Variants in INTS2 observed in about 807,000 individuals in gnomAD.
The protein encoded by INTS2 is integrator complex subunit 2.
INTS2 carries 57 observed loss-of-function variants against 139.6 expected under a neutral mutation model. The observed-to-expected ratio is 0.41, with a 90% CI of 0.33 to 0.51. The LOEUF (loss-of-function observed/expected upper bound fraction) is 0.51, where lower values mean the gene tolerates loss of function less well. Among genes scored for constraint, INTS2 ranks in the 20% least tolerant of loss-of-function variants. INTS2 has a pLI of 0.28. For synonymous variants in INTS2, 473 were observed against 493.4 expected, an observed-to-expected ratio of 0.96 and a Z score of 0.55; for missense variants, 1,196 against 1,436.7, an observed-to-expected ratio of 0.83 and a Z score of 2.71.
At position 61,872,180 on chromosome 17, in the gene INTS2, G is replaced by C. The variant is rs370424250; in HGVS notation, c.2778+85C>G. 41 of 736,810 alleles carry C rather than the reference G, an allele frequency of 5.6e-5. No homozygotes were observed. The highest frequency in any genetic ancestry group is 8.4e-5 in the Non-Finnish European group (38 of 454,164). 45.6% of individuals were successfully genotyped at this position (736,810 alleles called of 1,614,324 possible). ...AATATGTCACCAATGTACATGGAGC[G>C]CACAATGTGCCATCTATTGAACTGA... On this transcript the variant is annotated intron_variant, in intron 20 of 24. Transcript: ENST00000251334. The surrounding 1 kb of genome is among the most constrained non-coding windows in gnomAD (Gnocchi z 4.8).
At chr17:61,894,738 C>T (rs1245198285) in intron 12 of INTS2, among the ~76,000 whole-genome samples, 1 of 151,842 alleles carries the variant, frequency 6.6e-6, no homozygotes, top group Non-Finnish European at 1.5e-5. Context: ...ATCCTAGCTA[C>T]TTGGGAGGCT....
chr17:61,885,553 G>A (rs1290361103), intron 15 of INTS2, among the ~76,000 whole-genome samples: 2 of 151,234 alleles, frequency 1.3e-5, no homozygotes, highest in Non-Finnish European at 2.9e-5. Flanking sequence ...TAGATTGGCT[G>A]GGATAACAGG....
At chr17:61,878,931 CAAAAAAAAAAAAA>C (rs35652350) in intron 17 of INTS2, among the ~76,000 whole-genome samples, 6 of 46,656 alleles carry the variant, frequency 1.3e-4, no homozygotes, top group South Asian at 2.8e-3. Flanking sequence ...ACCCTGTCTC[CAAAAAAAAAAAAA>C]AAAAAAAAAA....
chr17:61,879,004 A>C (rs1003650885), intron 17 of INTS2, among the ~76,000 whole-genome samples: 1 of 132,032 alleles, frequency 7.6e-6, no homozygotes, highest in Non-Finnish European at 1.6e-5. Context: ...ATTCAGACTG[A>C]TCTTATTTTT....
rs149283427 is a variant in INTS2 at position 61,888,564 on chromosome 17, C to CGTGTGT, written c.1984+1216_1984+1221dup. On this transcript the variant is annotated intron_variant, in intron 15 of 24. Coordinates refer to ENST00000251334, the MANE Select transcript of INTS2 (RefSeq NM_001351695.2). ...TTCTCTGTGTGCGTGTGTGTGCGTG[C>CGTGTGT]GTGTGTGTGTGTGTGTGTGTGTGTG... is the stretch of plus-strand genomic sequence containing the variant. Among the ~76,000 whole-genome samples the CGTGTGT allele has an allele frequency of 4.6e-3, 552 of 119,662 alleles. 5 individuals carry two copies. The highest frequency in any genetic ancestry group is 7.8e-3 in the Non-Finnish European group (430 of 54,784). 78.5% of individuals were successfully genotyped at this position (119,662 alleles called of 152,430 possible). A position where few individuals can be genotyped will look rare whatever the true frequency, so the allele number is the denominator to read the frequency against.
chr17:61,896,311 C>T (rs1485201568), intron 11 of INTS2, among the ~76,000 whole-genome samples: 4 of 150,188 alleles, frequency 2.7e-5, no homozygotes, highest in Admixed American at 1.3e-4. Context: ...TTCCACATGG[C>T]GAAGTTAAAT....
At position 61,882,019 on chromosome 17, in the gene INTS2, T is replaced by G. The variant is rs891136582; in HGVS notation, c.2090-848A>C. On this transcript the variant is annotated intron_variant, in intron 16 of 24. Coordinates refer to ENST00000251334, the MANE Select transcript of INTS2 (RefSeq NM_001351695.2). This position sits in a 1 kb window ranked among gnomAD's most constrained non-coding sequence, Gnocchi z 4.7. ...AAAAGGTCCTATTCAGAAATACTGA[T>G]AGGCTTCTGTAGAGAACATGCCCTT... Among the ~76,000 whole-genome samples, 1 of 152,230 alleles carries G rather than the reference T, an allele frequency of 6.6e-6. No homozygotes were observed. The highest frequency in any genetic ancestry group is 1.5e-5 in the Non-Finnish European group (1 of 68,042).
At position 61,926,410 on chromosome 17, in the gene INTS2, A is replaced by G. The variant is rs766195784; in HGVS notation, c.235T>C (p.Leu79=). 58 of 1,613,400 alleles carry G rather than the reference A, an allele frequency of 3.6e-5. No individual in the cohort carries two copies. Among genetic ancestry groups the G allele is most frequent in the Non-Finnish European group, 4.8e-5 (57 of 1,179,380 alleles). Residue 79 remains leucine, a synonymous_variant, in exon 2 of 25, where the codon TTG becomes CTG. Transcript: ENST00000251334. The stretch of plus-strand genomic sequence containing the variant: ...AAAGCATGAAAGTCCACGGACAACA[A>G]TGCAACAATGGAGTTGACAGCTTCC... The part of the protein sequence containing the change: ...GVEAVNSIVA[L]LSVDFHALEQ...
At position 61,865,421 on chromosome 17, in the gene INTS2, A is replaced by G. The variant is rs2079035947; in HGVS notation, c.*2136T>C. On this transcript the variant is annotated 3_prime_UTR_variant, in exon 25 of 25. Transcript: ENST00000251334. The surrounding 1 kb of genome is among the most constrained non-coding windows in gnomAD (Gnocchi z 4.8). ...AAACCAATATTCAAAATAGCTGCAC[A>G]CATCTGTTTTCACTTGAATAAAAAA... 1 of 152,684 alleles carries G rather than the reference A, an allele frequency of 6.5e-6. No individual in the cohort carries two copies. Among genetic ancestry groups the G allele is most frequent in the Non-Finnish European group, 1.5e-5 (1 of 68,048 alleles). 9.5% of individuals were successfully genotyped at this position (152,684 alleles called of 1,614,324 possible).
In INTS2 at chr17:61,919,489, A is replaced by C; in HGVS notation, c.560T>G (p.Val187Gly). ...QAELPSLLPIVDVAEALLHVR... is the reference protein window; with the variant it reads ...QAELPSLLPIGDVAEALLHVR... ...ATGTAGCAAAGCTTCAGCTACATCA[A>C]CTATAGGGAGCAAGGAAGGGAGCTC... The change falls in exon 5 of 25, where the codon GTT becomes GGT. Residue 187 changes from valine (V) to glycine (G), a missense_variant. Val to Gly is a moderately radical substitution (Grantham distance 109). Transcript: ENST00000251334. 1 of 1,592,834 alleles carries C rather than the reference A, an allele frequency of 6.3e-7. No individual in the cohort carries two copies. Among genetic ancestry groups the C allele is most frequent in the Non-Finnish European group, 8.6e-7 (1 of 1,167,456 alleles).
intron 9 of INTS2, among the ~76,000 whole-genome samples, chr17:61,899,975 C>G (rs2079388454): frequency 6.6e-6 from 1 of 151,144 alleles, no homozygotes; most frequent in Admixed American, 6.6e-5. Context: ...GAAAGTACTT[C>G]AAGTAAAAAG....
chr17:61,878,953 A>AC (rs1258203209), intron 17 of INTS2, among the ~76,000 whole-genome samples: 3 of 145,988 alleles, frequency 2.1e-5, no homozygotes, highest in East Asian at 1.9e-4. Context: ...AAAAAAAAAA[A>AC]ACACTTTACT....
chr17:61,923,409 G>A (rs867598931), intron 3 of INTS2, among the ~76,000 whole-genome samples: 5 of 148,484 alleles, frequency 3.4e-5, no homozygotes, highest in East Asian at 2.0e-4. Flanking sequence ...CCCGGGAGGC[G>A]GAGCTTGCAG....
chr17:61,874,417 T>A (rs1168886061), intron 19 of INTS2, among the ~76,000 whole-genome samples: 2 of 152,208 alleles, frequency 1.3e-5, no homozygotes, highest in Non-Finnish European at 2.9e-5. Flanking sequence ...ATGATAGGAA[T>A]TAACTAAATT....
At position 61,878,077 on chromosome 17, in the gene INTS2, C is replaced by T; in HGVS notation, c.2266G>A (p.Val756Ile). 6.2e-7 allele frequency: 1 copy of T among 1,607,776 alleles called. No individual in the cohort carries two copies. The highest frequency in any genetic ancestry group is 8.5e-7 in the Non-Finnish European group (1 of 1,174,300). Reference protein sequence around the residue: ...PKQLQEAFSAVPVNNTQVMQI... With the variant: ...PKQLQEAFSAIPVNNTQVMQI... ...ATCACTTGTGTGTTATTTACTGGGA[C>T]AGCTGAAAATGCTAAAAAGAAAATT... Residue 756 changes from valine to isoleucine, a missense_variant, in exon 18 of 25, where the codon GTC becomes ATC. By Grantham distance (29) the Val-to-Ile change is conservative (BLOSUM62 3). This residue lies in a region of INTS2 where 1,129 missense variants were observed against 1,341.9 expected (regional missense o/e 0.84). Coordinates refer to ENST00000251334, the MANE Select transcript of INTS2 (RefSeq NM_001351695.2).
chr17:61,901,577 C>CTT lies in INTS2; in HGVS notation c.1307+2881_1307+2882dup, dbSNP rs55751869. 2.2e-3 allele frequency among the ~76,000 whole-genome samples: 109 copies of CTT among 49,452 alleles called. 33 individuals carry two copies. The highest frequency in any genetic ancestry group is 5.7e-3 in the East Asian group (11 of 1,914). The allele number at this position is 49,452 out of a possible 152,430, so 32.4% of individuals were successfully genotyped here. A position where few individuals can be genotyped will look rare whatever the true frequency, so the allele number is the denominator to read the frequency against. On this transcript the variant is annotated intron_variant, in intron 9 of 24. Transcript: ENST00000251334. ...CAAATCCTAAAAGGCAGAATGATTTCTTTTTTTTTTTTTTTTTTTTTTTTT... is the reference window on the plus strand; with the variant it reads ...CAAATCCTAAAAGGCAGAATGATTTCTTTTTTTTTTTTTTTTTTTTTTTTTTT...
chr17:61,921,872 T>C (rs1186247976), intron 3 of INTS2, 45 bp from the exon 4 acceptor site: 2 of 953,944 alleles, frequency 2.1e-6, no homozygotes, highest in South Asian at 1.6e-5. Flanking sequence ...TAATTTCAGA[T>C]AATTAAATCC....
chr17:61,922,298 C>T (rs892890584), intron 3 of INTS2, among the ~76,000 whole-genome samples: 11 of 151,466 alleles, frequency 7.3e-5, no homozygotes, highest in Non-Finnish European at 1.3e-4. Context: ...TGGTGAAACC[C>T]TGTCTCTACT....
At chr17:61,926,929 A>G (rs551955461) in intron 1 of INTS2, among the ~76,000 whole-genome samples, 47 of 152,344 alleles carry the variant, frequency 3.1e-4, no homozygotes, top group African/African-American at 1.1e-3. Flanking sequence ...AAGGAATATG[A>G]AGCCCAGAGA....
Sources: gnomAD v4.1 joint callset for allele counts (sites outside exome capture counted in the v4.1 genomes callset) on GRCh38, gnomAD v4.1.1 for gene constraint, gnomAD v4.1.1 regional missense constraint, Gnocchi (gnomAD v3.1) non-coding constraint, MANE v1.5 for transcripts, NCBI Gene and HGNC (gene_info 2026-07-23, HGNC 2026-07-21) for gene names.